Variants in TCAIM observed in about 807,000 individuals in gnomAD.
The protein encoded by TCAIM is T cell activation inhibitor, mitochondrial.
A neutral mutation model predicts 58.6 loss-of-function variants in TCAIM; 36 were observed. The observed-to-expected ratio is 0.61, with a 90% confidence interval of 0.47 to 0.81. The LOEUF is 0.81. Among genes scored for constraint, TCAIM ranks in the 30% least tolerant of loss-of-function variants. The pLI is 0.00. For missense variants in TCAIM, 466 were observed against 579.6 expected, an observed-to-expected ratio of 0.80 and a Z score of 2.01; for synonymous variants, 172 against 193.6, an observed-to-expected ratio of 0.89 and a Z score of 0.93.
chr3:44,386,209 CAAAAAAAAAAAAAA>C, intron 5 of TCAIM, among the ~76,000 whole-genome samples: 1 of 54,976 alleles, frequency 1.8e-5, no homozygotes, highest in South Asian at 9.0e-4. Context: ...CCAGAAGCTC[CAAAAAAAAAAAAAA>C]AAAAAAAAAC....
chr3:44,397,198 A>T (rs1701948703), intron 8 of TCAIM, among the ~76,000 whole-genome samples: 1 of 152,180 alleles, frequency 6.6e-6, no homozygotes. Flanking sequence ...AAGTTTTGAC[A>T]TATTATGTAT....
At chr3:44,407,291 G>T in intron 10 of TCAIM, 151 bp from the exon 11 acceptor site, 1 of 526,984 alleles carries the variant, frequency 1.9e-6, no homozygotes, top group South Asian at 4.0e-5. Context: ...TCTTCCAAAC[G>T]TATAATTTGG....
chr3:44,372,886 A>T (rs189977321), intron 5 of TCAIM, among the ~76,000 whole-genome samples: 1 of 152,196 alleles, frequency 6.6e-6, no homozygotes, highest in Admixed American at 6.5e-5. Context: ...GAGCCACTGC[A>T]CCCGGCCCAA....
intron 5 of TCAIM, among the ~76,000 whole-genome samples, chr3:44,392,358 C>T (rs1701851646): frequency 6.6e-6 from 1 of 152,010 alleles, no homozygotes; most frequent in African/African-American, 2.4e-5. Context: ...GTTCGGGTTA[C>T]ATGTGTAGGT....
In TCAIM at chr3:44,400,369, G is replaced by A. The variant is rs1476111208; in HGVS notation, c.900G>A (p.Leu300=). Residue 300 remains leucine (L), a synonymous_variant, in exon 9 of 11, where the codon TTG becomes TTA. Transcript: ENST00000342649. ...HHHWTKLFER[L]PSYFDLQRRL... Reference sequence around the variant, plus strand: ...TAACACTGTAGCTTTTTGAAAGATTGCCAAGTTATTTTGACCTTCAGAGGA... The same window carrying A: ...TAACACTGTAGCTTTTTGAAAGATTACCAAGTTATTTTGACCTTCAGAGGA... The A allele has an allele frequency of 4.3e-6, 7 of 1,612,546 alleles. No homozygotes were observed. The South Asian group carries it at 5.5e-5, about 13-fold the overall frequency.
In TCAIM at chr3:44,386,107, A is replaced by G. The variant is rs1701735530; in HGVS notation, c.573-6748A>G. Among the ~76,000 whole-genome samples the G allele has an allele frequency of 4.0e-5, 6 of 148,468 alleles. No homozygotes were observed. The South Asian group carries it at 1.3e-3, about 33-fold the overall frequency. ...TCGCACCTATAATCCCAGCTACTCA[A>G]GAGGCTGAGACAGAAGAATCACTTG... On this transcript the variant is annotated intron_variant, in intron 5 of 10. Transcript: ENST00000342649.
At chr3:44,395,572 A>C (rs1478353911) in intron 6 of TCAIM, among the ~76,000 whole-genome samples, 1 of 152,232 alleles carries the variant, frequency 6.6e-6, no homozygotes, top group Non-Finnish European at 1.5e-5. Flanking sequence ...TCAGTTACAC[A>C]GCAGGGCCTC....
chr3:44,402,968 A>T (rs1702043650), intron 10 of TCAIM, among the ~76,000 whole-genome samples: 1 of 152,082 alleles, frequency 6.6e-6, no homozygotes, highest in South Asian at 2.1e-4. Flanking sequence ...AAAAGCCAGG[A>T]ATCTTAAATA....
At chr3:44,377,275 AAAG>A (rs1233346704) in intron 5 of TCAIM, among the ~76,000 whole-genome samples, 6 of 152,262 alleles carry the variant, frequency 3.9e-5, no homozygotes, top group African/African-American at 7.2e-5. Context: ...TTACAAGAGA[AAAG>A]AAGATTATTA....
At chr3:44,403,061 G>A (rs1408482246) in intron 10 of TCAIM, among the ~76,000 whole-genome samples, 1 of 152,128 alleles carries the variant, frequency 6.6e-6, no homozygotes, top group East Asian at 1.9e-4. Context: ...TTGAGGTCAG[G>A]AGTTTGAGAC....
intron 5 of TCAIM, among the ~76,000 whole-genome samples, chr3:44,377,820 A>G (rs1050555136): frequency 2.0e-5 from 3 of 152,206 alleles, no homozygotes; most frequent in Admixed American, 6.5e-5. Context: ...GTTACCCATG[A>G]AAATTAAAAA....
intron 2 of TCAIM, among the ~76,000 whole-genome samples, chr3:44,356,996 G>A (rs1046123149): frequency 6.6e-6 from 1 of 151,564 alleles, no homozygotes; most frequent in Non-Finnish European, 1.5e-5. Context: ...AAAAGAATGA[G>A]AATATCAAGT....
intron 4 of TCAIM, among the ~76,000 whole-genome samples, chr3:44,365,524 C>T (rs931476532): frequency 6.6e-6 from 1 of 152,118 alleles, no homozygotes; most frequent in South Asian, 2.1e-4. Flanking sequence ...GACGGAGTTT[C>T]ACCTTGTTGG....
At chr3:44,360,649 C>T (rs564154707) in intron 3 of TCAIM, among the ~76,000 whole-genome samples, 2 of 150,644 alleles carry the variant, frequency 1.3e-5, no homozygotes, top group Admixed American at 6.6e-5. Context: ...GTCACCCAGG[C>T]GGGGAGTGTG....
chr3:44,354,967 G>T (rs2125631004), intron 2 of TCAIM, among the ~76,000 whole-genome samples, 156 bp downstream of exon 2: 1 of 152,250 alleles, frequency 6.6e-6, no homozygotes, highest in East Asian at 1.9e-4. Flanking sequence ...TGAGAAGACA[G>T]GTCCTCCAAG....
intron 5 of TCAIM, among the ~76,000 whole-genome samples, chr3:44,389,744 AT>A (rs950679560): frequency 1.8e-5 from 2 of 110,448 alleles, no homozygotes; most frequent in African/African-American, 5.7e-5. Context: ...AAGTCATTGA[AT>A]TAAAAAAAAA....
intron 7 of TCAIM, 114 bp downstream of exon 7, chr3:44,396,611 G>GCTGAACTTTTA: frequency 1.4e-6 from 2 of 1,418,722 alleles, no homozygotes; most frequent in African/African-American, 2.9e-5. Context: ...TCTGTTCTTT[G>GCTGAACTTTTA]AATAAAGCAG....
chr3:44,352,317 G>A (rs1353959486), intron 1 of TCAIM, among the ~76,000 whole-genome samples: 1 of 152,036 alleles, frequency 6.6e-6, no homozygotes, highest in Non-Finnish European at 1.5e-5. Context: ...ACTTTAATAA[G>A]GTACTGCTCA....
intron 5 of TCAIM, among the ~76,000 whole-genome samples, chr3:44,387,061 AC>A (rs1701755022): frequency 6.6e-6 from 1 of 151,836 alleles, no homozygotes; most frequent in Admixed American, 6.6e-5. Context: ...GCACATAAAA[AC>A]CCCAAACTCA....
Sources: allele counts gnomAD v4.1 joint callset (sites outside exome capture counted in the v4.1 genomes callset), GRCh38; gene constraint gnomAD v4.1.1; transcripts MANE v1.5; gene names NCBI Gene and HGNC (gene_info 2026-07-23, HGNC 2026-07-21).